Variants in BCAR1 observed in about 807,000 individuals in gnomAD.
The protein encoded by BCAR1 is BCAR1 scaffold protein, Cas family member, also known as breast cancer anti-estrogen resistance protein 1.
Under a neutral mutation model 67.6 loss-of-function variants are expected in BCAR1, and 30 were observed. The ratio of observed to expected loss-of-function variants is 0.44; its 90% confidence interval spans 0.33 to 0.60. BCAR1 has a LOEUF of 0.60. Among genes scored for constraint, BCAR1 ranks in the 20% least tolerant of loss-of-function variants. BCAR1 has a pLI of 0.02. For missense variants in BCAR1, 1,313 were observed against 1,222.3 expected, an observed-to-expected ratio of 1.07 and a Z score of -1.11; for synonymous variants, 626 against 556.7, an observed-to-expected ratio of 1.12 and a Z score of -1.75.
At position 75,237,275 on chromosome 16, in the gene BCAR1, C is replaced by T. The variant is rs372104149; in HGVS notation, c.703G>A (p.Asp235Asn). The change falls in exon 3 of 7, where the codon GAC becomes AAC. Residue 235 changes from aspartate to asparagine, a missense_variant. Coordinates refer to ENST00000162330, the MANE Select transcript of BCAR1 (RefSeq NM_014567.5). ...GGGGCCAGCAGGTGTCGCGGGATGT[C>T]GTACTCGTCCTGCTCCGGCTGGGCG... ...EAAQPEQDEY[D>N]IPRHLLAPGP... The T allele has an allele frequency of 1.2e-5, 18 of 1,520,348 alleles. No homozygotes were observed. The highest frequency in any genetic ancestry group is 1.5e-5 in the Non-Finnish European group (17 of 1,138,160). 94.2% of individuals were successfully genotyped at this position (1,520,348 alleles called of 1,614,324 possible). A position where few individuals can be genotyped will look rare whatever the true frequency, so the allele number is the denominator to read the frequency against.
In BCAR1 at chr16:75,264,811, C is replaced by G. The variant is rs540155493; in HGVS notation, c.66+3104G>C. On this transcript the variant is annotated intron_variant, in intron 1 of 6. Coordinates refer to the BCAR1 transcript ENST00000393422. ...TGAGGAGCAGTTCCAGAAACAAGGC[C>G]AGAGTGGACAGGGCTCTGGAGGGAA... is the stretch of plus-strand genomic sequence containing the variant. The G allele has an allele frequency of 9.4e-5, 31 of 331,396 alleles. 1 individual carries two copies. The Admixed American group carries it at 1.6e-3, about 17-fold the overall frequency. The allele number at this position is 331,396 out of a possible 1,614,324, so 20.5% of individuals were successfully genotyped here. A position where few individuals can be genotyped will look rare whatever the true frequency, so the allele number is the denominator to read the frequency against.
intron 2 of BCAR1, chr16:75,238,085 T>A (rs1406291002): frequency 7.8e-7 from 1 of 1,288,712 alleles, no homozygotes; most frequent in South Asian, 1.2e-5. Context: ...CCCCAGGTGC[T>A]CTTACCATGA....
At chr16:75,257,479 G>A (rs921077638) in intron 1 of BCAR1, among the ~76,000 whole-genome samples, 9 of 152,048 alleles carry the variant, frequency 5.9e-5, no homozygotes, top group African/African-American at 2.2e-4. Flanking sequence ...TTTTTTTAAA[G>A]ACAAGGTCTC....
In BCAR1 at chr16:75,229,686, G is replaced by T; in HGVS notation, c.2438C>A (p.Thr813Asn). Residue 813 changes from threonine to asparagine, a missense_variant, in exon 7 of 7, where the codon ACC becomes AAC. This residue lies in a region of BCAR1 where 1,272 missense variants were observed against 1,137.5 expected (regional missense o/e 1.12). Coordinates refer to ENST00000162330, the MANE Select transcript of BCAR1 (RefSeq NM_014567.5). ...AKAADVRSQV[T>N]HYSNLLCDLL... ...GTCGCACAGCAGGTTGCTGTAGTGG[G>T]TCACCTGGCTGCGCACGTCAGCAGC... is the stretch of plus-strand genomic sequence containing the variant. 1 of 1,612,888 alleles carries T rather than the reference G, an allele frequency of 6.2e-7. No individual in the cohort carries two copies. Among genetic ancestry groups the T allele is most frequent in the Non-Finnish European group, 8.5e-7 (1 of 1,179,924 alleles).
chr16:75,234,385 A>G (rs2077023902), intron 5 of BCAR1, among the ~76,000 whole-genome samples: 2 of 152,138 alleles, frequency 1.3e-5, no homozygotes, highest in South Asian at 2.1e-4. Context: ...CTGCCTTCCC[A>G]GGCTCCAACA....
intron 1 of BCAR1, chr16:75,250,662 C>A: frequency 1.0e-6 from 1 of 985,544 alleles, no homozygotes. Flanking sequence ...TTTCCCAACT[C>A]CCTCACCTCG....
At chr16:75,239,840 G>A (rs554486585) in intron 2 of BCAR1, among the ~76,000 whole-genome samples, 17 of 152,314 alleles carry the variant, frequency 1.1e-4, no homozygotes, top group African/African-American at 4.1e-4. Flanking sequence ...GGGGCAAGAT[G>A]AAGCTTCTAG....
Position 75,242,950 on chromosome 16 carries a change from G to A in BCAR1, c.153C>T (p.Arg51=). The A allele has an allele frequency of 6.2e-7, 1 of 1,613,120 alleles. No individual in the cohort carries two copies. Among genetic ancestry groups the A allele is most frequent in the Non-Finnish European group, 8.5e-7 (1 of 1,179,860 alleles). The part of the protein sequence containing the change: ...DGWWLCSLHG[R]QGIVPGNRLK... ...GGCGGTTCCCAGGCACGATGCCCTG[G>A]CGCCCATGCAGCGAGCAGAGCCACC... is the stretch of plus-strand genomic sequence containing the variant. The change falls in exon 2 of 7, where the codon CGC becomes CGT. Residue 51 remains arginine, a synonymous_variant. Transcript: ENST00000162330.
At chr16:75,239,429 T>C (rs1380783306) in intron 2 of BCAR1, among the ~76,000 whole-genome samples, 1 of 151,952 alleles carries the variant, frequency 6.6e-6, no homozygotes, top group African/African-American at 2.4e-5. Flanking sequence ...TCTCCTCCCC[T>C]ACTATCAGGC....
At chr16:75,250,093 CA>C (rs1361007580) in intron 1 of BCAR1, 1 of 152,580 alleles carries the variant, frequency 6.6e-6, no homozygotes, top group African/African-American at 2.4e-5. Context: ...GGTACCAGTA[CA>C]CAGTGCTCAC....
intron 2 of BCAR1, chr16:75,238,231 T>A (rs2077211282): frequency 8.5e-7 from 1 of 1,180,606 alleles, no homozygotes; most frequent in African/African-American, 1.6e-5. Context: ...CCTCCTTCCC[T>A]GAAGGTCTCC....
rs376652178 is a variant in BCAR1 at position 75,230,084 on chromosome 16, G to A, written c.2101-61C>T. ...CTCGGGTGAGTTGGAACTACAGGCC[G>A]AGACCTGGGCACCCTGGGCTGGGCT... On this transcript the variant is annotated intron_variant, in intron 6 of 6. Coordinates refer to ENST00000162330, the MANE Select transcript of BCAR1 (RefSeq NM_014567.5). 3.3e-5 allele frequency: 50 copies of A among 1,507,042 alleles called. No homozygotes were observed. In the African/African-American group the frequency reaches 5.2e-4, roughly 16 times the overall value. 93.4% of individuals were successfully genotyped at this position (1,507,042 alleles called of 1,614,324 possible).
At chr16:75,251,409 C>T in intron 1 of BCAR1, 62 bp downstream of exon 1, 1 of 1,477,068 alleles carries the variant, frequency 6.8e-7, no homozygotes. Context: ...CTCGCTTAAC[C>T]CCTTCCAGCC....
At position 75,235,497 on chromosome 16, in the gene BCAR1, G is replaced by T; in HGVS notation, c.1402C>A (p.Gln468Lys). The T allele has an allele frequency of 6.3e-7, 1 of 1,599,632 alleles. No homozygotes were observed. The change falls in exon 5 of 7, where the codon CAG (glutamine) becomes AAG (lysine). Residue 468 changes from glutamine (Q) to lysine (K), a missense_variant. Transcript: ENST00000162330. ...TGGGCAACGGTGGCGCTCACACCCT[G>T]CTGCAGCCGTGCCAGGGCCTCCACA... ...VAVEALARLQ[Q>K]GVSATVAHLL...
chr16:75,236,752 C>T (rs1247508423), intron 4 of BCAR1, 130 bp downstream of exon 4: 3 of 1,395,460 alleles, frequency 2.1e-6, no homozygotes, highest in Non-Finnish European at 2.8e-6. Flanking sequence ...CATCCAGAAC[C>T]AGGGTCTGGA....
chr16:75,256,607 G>A (rs968176180), upstream of BCAR1, among the ~76,000 whole-genome samples: 1 of 152,152 alleles, frequency 6.6e-6, no homozygotes, highest in Non-Finnish European at 1.5e-5. Flanking sequence ...TCAGAAACAG[G>A]ACTGGAAGAG....
In BCAR1 at chr16:75,236,921, G is replaced by A. The variant is rs752655245; in HGVS notation, c.873C>T (p.Pro291=). The A allele has an allele frequency of 5.0e-6, 8 of 1,611,902 alleles. No homozygotes were observed. The East Asian group carries it at 1.6e-4, about 31-fold the overall frequency. ...DPLLEVYDVP[P]SVEKGLPPSN... ...ACGGTGGCAGGCCCTTCTCCACACT[G>A]GGGGGCACGTCATACACCTCCAGCA... Residue 291 remains proline, a synonymous_variant, in exon 4 of 7, where the codon CCC becomes CCT. Transcript: ENST00000162330.
chr16:75,236,921 G>C lies in BCAR1; in HGVS notation c.873C>G (p.Pro291=), dbSNP rs752655245. Residue 291 remains proline, a synonymous_variant, in exon 4 of 7, where the codon CCC becomes CCG. Coordinates refer to ENST00000162330, the MANE Select transcript of BCAR1 (RefSeq NM_014567.5). Reference sequence around the variant, plus strand: ...ACGGTGGCAGGCCCTTCTCCACACTGGGGGGCACGTCATACACCTCCAGCA... The same window carrying C: ...ACGGTGGCAGGCCCTTCTCCACACTCGGGGGCACGTCATACACCTCCAGCA... ...DPLLEVYDVP[P]SVEKGLPPSN... 6.2e-7 allele frequency: 1 copy of C among 1,612,020 alleles called. No individual in the cohort carries two copies. Among genetic ancestry groups the C allele is most frequent in the South Asian group, 1.1e-5 (1 of 90,628 alleles).
In BCAR1 at chr16:75,242,941, G is replaced by T; in HGVS notation, c.162C>A (p.Ile54=). ...WLCSLHGRQG[I]VPGNRLKILV... ...AGATCTTGAGGCGGTTCCCAGGCAC[G>T]ATGCCCTGGCGCCCATGCAGCGAGC... Residue 54 remains isoleucine (I), a synonymous_variant, in exon 2 of 7, where the codon ATC becomes ATA. Coordinates refer to ENST00000162330, the MANE Select transcript of BCAR1 (RefSeq NM_014567.5). 1 of 1,613,002 alleles carries T rather than the reference G, an allele frequency of 6.2e-7. No homozygotes were observed. The highest frequency in any genetic ancestry group is 8.5e-7 in the Non-Finnish European group (1 of 1,179,840).
Sources: allele counts gnomAD v4.1 joint callset (sites outside exome capture counted in the v4.1 genomes callset), GRCh38; gene constraint gnomAD v4.1.1; regional missense constraint gnomAD v4.1.1; transcripts MANE v1.5; gene names NCBI Gene and HGNC (gene_info 2026-07-23, HGNC 2026-07-21).